Variants in UNC13C observed in about 807,000 individuals in gnomAD.
The protein encoded by UNC13C is protein unc-13 homolog C.
Under a neutral mutation model 245.4 loss-of-function variants are expected in UNC13C, and 174 were observed. The observed-to-expected ratio is 0.71, with a 90% confidence interval of 0.63 to 0.80. The LOEUF is 0.80. UNC13C is among the 30% of genes least tolerant of loss of function. UNC13C has a pLI of 0.00. For synonymous variants in UNC13C, 992 were observed against 895.1 expected, an observed-to-expected ratio of 1.11 and a Z score of -1.93; for missense variants, 2,829 against 2,602.9, an observed-to-expected ratio of 1.09 and a Z score of -1.89.
intron 2 of UNC13C, among the ~76,000 whole-genome samples, chr15:54,081,739 C>A (rs1383673327): frequency 6.6e-6 from 1 of 151,848 alleles, no homozygotes; most frequent in Non-Finnish European, 1.5e-5. Context: ...GTTTTTTAAT[C>A]CAATTTTCCA....
intron 2 of UNC13C, among the ~76,000 whole-genome samples, chr15:54,112,087 T>C (rs1445756811): frequency 6.6e-6 from 1 of 152,060 alleles, no homozygotes; most frequent in African/African-American, 2.4e-5. Flanking sequence ...TGTGAAAATT[T>C]TCTTGTTAAA....
At chr15:54,599,234 C>G (rs1899263670) in intron 30 of UNC13C, among the ~76,000 whole-genome samples, 1 of 152,046 alleles carries the variant, frequency 6.6e-6, no homozygotes, top group South Asian at 2.1e-4. Flanking sequence ...GTTAAATAAT[C>G]ACATTAGTAA....
intron 19 of UNC13C, among the ~76,000 whole-genome samples, chr15:54,435,753 A>T (rs2040970520): frequency 1.1e-5 from 1 of 94,866 alleles, no homozygotes; most frequent in South Asian, 3.4e-4. Context: ...AATAATAAAT[A>T]AAAATAAAAA....
chr15:53,899,405 A>C, the UNC13C span, among the ~76,000 whole-genome samples: 1 of 152,352 alleles, frequency 6.6e-6, no homozygotes, highest in Admixed American at 6.5e-5. Flanking sequence ...CTTGCAAATT[A>C]AACTTCTTGA....
chr15:54,630,505 C>G (rs945063649), downstream of UNC13C: 8 of 152,280 alleles, frequency 5.3e-5, no homozygotes, highest in African/African-American at 1.9e-4. Flanking sequence ...AATCTTTATG[C>G]TCAAATAATA....
the UNC13C span, among the ~76,000 whole-genome samples, chr15:53,926,426 T>A: frequency 2.4e-4 from 37 of 152,306 alleles, no homozygotes; most frequent in African/African-American, 8.4e-4. Context: ...ATCATATGTT[T>A]TAAAGTGTTC....
rs191344215 is a variant in UNC13C, at chr15:54,307,219, A to G, written c.4268+6846A>G. Reference sequence around the variant, plus strand: ...TATTTCTCACAGTCCTGGATGCTAGAAGGTCCAAAATTAAGGTGCCATCAG... The same window carrying G: ...TATTTCTCACAGTCCTGGATGCTAGGAGGTCCAAAATTAAGGTGCCATCAG... On this transcript the variant is annotated intron_variant, in intron 13 of 32. Coordinates refer to ENST00000260323, the MANE Select transcript of UNC13C (RefSeq NM_001080534.3). 3.1e-4 allele frequency among the ~76,000 whole-genome samples: 47 copies of G among 152,098 alleles called. 1 individual carries two copies. Among genetic ancestry groups the G allele is most frequent in the African/African-American group, 1.1e-3 (46 of 41,536 alleles).
Position 54,060,837 on chromosome 15 carries a change from A to C in UNC13C, c.2983+44951A>C, listed in dbSNP as rs558019696. Among the ~76,000 whole-genome samples, 4 of 152,274 alleles carry C rather than the reference A, an allele frequency of 2.6e-5. No individual in the cohort carries two copies. The South Asian group carries it at 8.3e-4, about 32-fold the overall frequency. The stretch of plus-strand genomic sequence containing the variant: ...TTTGTAGGGACATGGATGAAGCTGG[A>C]AACCATCATTCTCAGCAAACTATCA... On this transcript the variant is annotated intron_variant, in intron 2 of 32. Transcript: ENST00000260323.
intron 30 of UNC13C, among the ~76,000 whole-genome samples, chr15:54,585,949 TA>T: frequency 6.6e-6 from 1 of 152,266 alleles, no homozygotes; most frequent in African/African-American, 2.4e-5. Flanking sequence ...AAAGCAAAAA[TA>T]AATTTCTCAT....
At chr15:54,515,236 A>T (rs1468447286) in intron 24 of UNC13C, among the ~76,000 whole-genome samples, 1 of 152,200 alleles carries the variant, frequency 6.6e-6, no homozygotes, top group Non-Finnish European at 1.5e-5. Context: ...AACCCGTGTT[A>T]TAGATGTACT....
chr15:54,020,860 G>A (rs997396215), intron 2 of UNC13C, among the ~76,000 whole-genome samples: 1 of 150,844 alleles, frequency 6.6e-6, no homozygotes, highest in African/African-American at 2.4e-5. Context: ...CTTTTTTTTT[G>A]TTTGTTTTTG....
rs555651453 is a variant in UNC13C at position 53,988,384 on chromosome 15, G to C, written c.-257+9457G>C. ...TCAGGGAGAATATTCCAGACAAAAT[G>C]CTTATGGGACATAAAAAAATAACAA... On this transcript the variant is annotated intron_variant, in intron 1 of 32. Transcript: ENST00000260323. Among the ~76,000 whole-genome samples, 53 of 151,984 alleles carry C rather than the reference G, an allele frequency of 3.5e-4. No individual in the cohort carries two copies. The East Asian group carries it at 4.3e-3, about 12-fold the overall frequency.
At chr15:54,323,782 C>G (rs377556152) in intron 14 of UNC13C, among the ~76,000 whole-genome samples, 5 of 152,090 alleles carry the variant, frequency 3.3e-5, no homozygotes, top group African/African-American at 9.6e-5. Context: ...GGGATTTTAC[C>G]TATAATATAA....
rs1211432944 is a variant in UNC13C, at chr15:54,230,697, A to ACAAAAGAAAACCACTGAAAAT, written c.3072-4332_3072-4312dup. ...ATATCATTATGGAAAGAACTGAGAA[A>ACAAAAGAAAACCACTGAAAAT]CAAAAGAAAACCACTGAAAATATTT... On this transcript the variant is annotated intron_variant, in intron 4 of 32. Transcript: ENST00000260323. Among the ~76,000 whole-genome samples the ACAAAAGAAAACCACTGAAAAT allele has an allele frequency of 2.8e-4, 43 of 152,196 alleles. 4 individuals are homozygous for ACAAAAGAAAACCACTGAAAAT. Among genetic ancestry groups the ACAAAAGAAAACCACTGAAAAT allele is most frequent in the African/African-American group, 9.6e-4 (40 of 41,572 alleles).
intron 4 of UNC13C, among the ~76,000 whole-genome samples, chr15:54,208,966 C>T (rs34828910): frequency 0.26 from 39,711 of 152,012 alleles, 5,262 homozygotes; most frequent in Middle Eastern, 0.29. Flanking sequence ...ACATTAACTC[C>T]TTTATGCAAA....
At chr15:54,534,693 A>G (rs1402441431) in intron 26 of UNC13C, among the ~76,000 whole-genome samples, 1 of 152,218 alleles carries the variant, frequency 6.6e-6, no homozygotes, top group African/African-American at 2.4e-5. Context: ...GAATCTAATG[A>G]TACAAGGGCT....
At chr15:54,550,439 C>A (rs1392532043) in intron 28 of UNC13C, among the ~76,000 whole-genome samples, 1 of 152,062 alleles carries the variant, frequency 6.6e-6, no homozygotes, top group Non-Finnish European at 1.5e-5. Context: ...AAGTGTATGT[C>A]ACCTCCCACT....
chr15:54,383,606 C>G (rs948831434), intron 17 of UNC13C, among the ~76,000 whole-genome samples: 1 of 151,978 alleles, frequency 6.6e-6, no homozygotes, highest in African/African-American at 2.4e-5. Flanking sequence ...AGAAATGAAA[C>G]AAATGGTGAA....
At chr15:54,528,802 C>T (rs1351481767) in intron 25 of UNC13C, among the ~76,000 whole-genome samples, 1 of 152,102 alleles carries the variant, frequency 6.6e-6, no homozygotes, top group African/African-American at 2.4e-5. Flanking sequence ...CGTGGTAAAT[C>T]AACTAGTTCA....
Sources: allele counts gnomAD v4.1 joint callset (sites outside exome capture counted in the v4.1 genomes callset), GRCh38; gene constraint gnomAD v4.1.1; transcripts MANE v1.5; gene names NCBI Gene and HGNC (gene_info 2026-07-23, HGNC 2026-07-21).